ANKRD12: variants seen among roughly 807,000 people sequenced by gnomAD.
ANKRD12 encodes the protein ankyrin repeat domain-containing protein 12.
In ANKRD12, 85 loss-of-function variants were observed where a neutral mutation model predicts 183.4. That is an observed-to-expected ratio of 0.46 (90% confidence interval 0.39 to 0.56). The LOEUF is 0.56. Among genes scored for constraint, ANKRD12 ranks in the 20% least tolerant of loss-of-function variants. The probability of loss-of-function intolerance (pLI) is 0.00; values close to 1 mark genes in which losing one functional copy is unlikely to be tolerated. For synonymous variants in ANKRD12, 914 were observed against 800.2 expected (o/e 1.14, Z -2.40); for missense variants, 2,405 against 2,357.1 (o/e 1.02, Z -0.42).
intron 8 of ANKRD12, among the ~76,000 whole-genome samples, chr18:9,232,033 C>A (rs148517621): frequency 6.6e-6 from 1 of 151,928 alleles, no homozygotes; most frequent in Non-Finnish European, 1.5e-5. Context: ...GAGAATTTAA[C>A]CCATTTATAT....
At chr18:9,167,197 C>A (rs183857748) in intron 1 of ANKRD12, among the ~76,000 whole-genome samples, 1 of 152,078 alleles carries the variant, frequency 6.6e-6, no homozygotes, top group South Asian at 2.1e-4. Flanking sequence ...CTTGGCAATG[C>A]GGGCTCTTTT....
chr18:9,196,963 G>A (rs556135135), intron 3 of ANKRD12, among the ~76,000 whole-genome samples: 21 of 151,972 alleles, frequency 1.4e-4, no homozygotes, highest in South Asian at 6.2e-4. Flanking sequence ...AACTCTTCTC[G>A]CATATTGTTA....
chr18:9,173,780 T>G (rs1466901341), intron 1 of ANKRD12, among the ~76,000 whole-genome samples: 1 of 152,174 alleles, frequency 6.6e-6, no homozygotes, highest in African/African-American at 2.4e-5. Context: ...TCAGGTGTGC[T>G]GAATTGGGGG....
chr18:9,241,299 C>T (rs778843464), intron 8 of ANKRD12, among the ~76,000 whole-genome samples: 4 of 151,888 alleles, frequency 2.6e-5, no homozygotes, highest in Non-Finnish European at 5.9e-5. Context: ...ATGAGTATAC[C>T]TATAATAAAA....
intron 1 of ANKRD12, among the ~76,000 whole-genome samples, chr18:9,170,205 C>T (rs1445932380): frequency 6.6e-6 from 1 of 152,150 alleles, no homozygotes; most frequent in East Asian, 1.9e-4. Flanking sequence ...AGTTGCTCTT[C>T]TCGAGGAGTA....
chr18:9,250,907 T>C (rs1001383033), intron 8 of ANKRD12, among the ~76,000 whole-genome samples: 1 of 152,094 alleles, frequency 6.6e-6, no homozygotes, highest in Non-Finnish European at 1.5e-5. Flanking sequence ...AAGTAATGAG[T>C]TGAATGTTTT....
intron 8 of ANKRD12, among the ~76,000 whole-genome samples, chr18:9,253,592 C>T (rs1262990347): frequency 6.6e-6 from 1 of 152,196 alleles, no homozygotes; most frequent in Non-Finnish European, 1.5e-5. Context: ...TGTTGATGGA[C>T]ACAAGATTGA....
chr18:9,243,865 TG>T (rs2037798136), intron 8 of ANKRD12, among the ~76,000 whole-genome samples: 1 of 152,230 alleles, frequency 6.6e-6, no homozygotes, highest in Non-Finnish European at 1.5e-5. Context: ...ATGGGTGCGG[TG>T]GCCCACGCCT....
intron 10 of ANKRD12, among the ~76,000 whole-genome samples, chr18:9,267,444 A>G (rs1429137050): frequency 6.6e-6 from 1 of 152,216 alleles, no homozygotes; most frequent in Non-Finnish European, 1.5e-5. Flanking sequence ...GTGCAATTAA[A>G]CTAGAACTCA....
chr18:9,245,392 A>G (rs542552763), intron 8 of ANKRD12, among the ~76,000 whole-genome samples: 11 of 152,240 alleles, frequency 7.2e-5, no homozygotes, highest in African/African-American at 2.6e-4. Flanking sequence ...TTGAGGCTAC[A>G]GTGAGCTGTG....
chr18:9,166,574 T>C lies in ANKRD12; in HGVS notation c.-51-15808T>C, dbSNP rs550422077. On this transcript the variant is annotated intron_variant, in intron 1 of 12. Transcript: ENST00000262126. ...CCCACTTGTTGATGGGGTTGTTTTTTTCTTGTAAATTTGTTTGAGTTCATT... is the reference window on the plus strand; with the variant it reads ...CCCACTTGTTGATGGGGTTGTTTTTCTCTTGTAAATTTGTTTGAGTTCATT... Among the ~76,000 whole-genome samples, 995 of 152,152 alleles carry C rather than the reference T, an allele frequency of 6.5e-3. 6 individuals carry two copies. The highest frequency in any genetic ancestry group is 0.017 in the Middle Eastern group (5 of 294).
At chr18:9,170,368 G>C (rs975594835) in intron 1 of ANKRD12, among the ~76,000 whole-genome samples, 7 of 152,062 alleles carry the variant, frequency 4.6e-5, no homozygotes, top group African/African-American at 1.7e-4. Context: ...TGTAGATTTG[G>C]TCTTTTCACA....
intron 7 of ANKRD12, among the ~76,000 whole-genome samples, chr18:9,218,123 C>A (rs987447080): frequency 2.6e-5 from 4 of 152,178 alleles, no homozygotes; most frequent in African/African-American, 9.6e-5. Context: ...AAAGGTTTCC[C>A]GATTTCTAAG....
intron 8 of ANKRD12, among the ~76,000 whole-genome samples, chr18:9,232,785 G>C (rs2037125110): frequency 6.6e-6 from 1 of 152,002 alleles, no homozygotes; most frequent in South Asian, 2.1e-4. Context: ...ATATCACAAA[G>C]ACTTTGTTCA....
chr18:9,156,137 CAAAAAAAAAAAA>C (rs34154495), intron 1 of ANKRD12, among the ~76,000 whole-genome samples: 1 of 104,122 alleles, frequency 9.6e-6, no homozygotes, highest in East Asian at 2.7e-4. Flanking sequence ...GACTCTGTCT[CAAAAAAAAAAAA>C]AAAAAAGAAA....
chr18:9,230,893 C>T (rs543825756), intron 8 of ANKRD12, among the ~76,000 whole-genome samples: 12 of 152,032 alleles, frequency 7.9e-5, no homozygotes, highest in African/African-American at 2.9e-4. Flanking sequence ...GTCTTGAACT[C>T]CTGACCTCAA....
intron 1 of ANKRD12, among the ~76,000 whole-genome samples, chr18:9,148,747 T>C (rs1355397820): frequency 6.6e-6 from 1 of 152,196 alleles, no homozygotes; most frequent in Non-Finnish European, 1.5e-5. Context: ...GTGTCTTAGG[T>C]AATTCCTCTT....
At chr18:9,203,236 G>GA (rs1460628294) in intron 3 of ANKRD12, among the ~76,000 whole-genome samples, 2 of 152,118 alleles carry the variant, frequency 1.3e-5, no homozygotes, top group African/African-American at 4.8e-5. Flanking sequence ...TGTTATTGAT[G>GA]ATTCCTCTTT....
intron 1 of ANKRD12, among the ~76,000 whole-genome samples, chr18:9,172,844 G>T (rs558710910): frequency 1.3e-5 from 2 of 151,560 alleles, no homozygotes; most frequent in Non-Finnish European, 2.9e-5. Context: ...TCTCATCTTT[G>T]TGGGCTTATC....
Sources: allele counts gnomAD v4.1 joint callset (sites outside exome capture counted in the v4.1 genomes callset), GRCh38; gene constraint gnomAD v4.1.1; transcripts MANE v1.5; gene names NCBI Gene and HGNC (gene_info 2026-07-23, HGNC 2026-07-21).